Variants in NEGR1 observed in about 807,000 individuals in gnomAD.
NEGR1 encodes the protein neuronal growth regulator 1.
Under a neutral mutation model 40.9 loss-of-function variants are expected in NEGR1, and 10 were observed. That is an observed-to-expected ratio of 0.24 (90% CI 0.15 to 0.42). NEGR1 has a LOEUF of 0.42. Among genes scored for constraint, NEGR1 ranks in the 10% least tolerant of loss-of-function variants. The pLI, the probability that NEGR1 is intolerant of heterozygous loss-of-function variation, is 1.00. For synonymous variants in NEGR1, 185 were observed against 166.8 expected, an observed-to-expected ratio of 1.11 and a Z score of -0.84; for missense variants, 352 against 438.9, an observed-to-expected ratio of 0.80 and a Z score of 1.77.
chr1:71,450,109 G>T (rs749438555), intron 6 of NEGR1, among the ~76,000 whole-genome samples: 26 of 151,636 alleles, frequency 1.7e-4, no homozygotes, highest in Non-Finnish European at 2.6e-4. Flanking sequence ...TCCTGCCTCA[G>T]CCACCTGAGT....
At chr1:72,157,129 T>C (rs1163945368) in intron 1 of NEGR1, among the ~76,000 whole-genome samples, 1 of 151,980 alleles carries the variant, frequency 6.6e-6, no homozygotes, top group Non-Finnish European at 1.5e-5. Context: ...TGTCTGGCTA[T>C]GTTTTTGTTT....
At chr1:71,980,658 C>G (rs1646346780) in intron 1 of NEGR1, among the ~76,000 whole-genome samples, 1 of 152,154 alleles carries the variant, frequency 6.6e-6, no homozygotes, top group African/African-American at 2.4e-5. Flanking sequence ...AGTCTAAGCC[C>G]CTTAGCCCAT....
In NEGR1 at chr1:71,575,589, C is replaced by A. The variant is rs181102756; in HGVS notation, c.940+17228G>T. On this transcript the variant is annotated intron_variant, in intron 6 of 6. Transcript: ENST00000357731. Reference sequence around the variant, plus strand: ...ACGAGGTCAGGAGATTGAGACCACCCTGGCTAACATGGTGAAACCCCGTCT... The same window carrying A: ...ACGAGGTCAGGAGATTGAGACCACCATGGCTAACATGGTGAAACCCCGTCT... Among the ~76,000 whole-genome samples the A allele has an allele frequency of 2.0e-3, 307 of 152,274 alleles. 2 individuals carry two copies. The highest frequency in any genetic ancestry group is 0.017 in the Admixed American group (266 of 15,304).
At chr1:71,887,619 T>G (rs1458098343) in intron 2 of NEGR1, among the ~76,000 whole-genome samples, 4 of 152,196 alleles carry the variant, frequency 2.6e-5, no homozygotes, top group Non-Finnish European at 5.9e-5. Flanking sequence ...ATCCATCATC[T>G]CAAACATTCA....
At chr1:71,976,136 T>C (rs1033157639) in intron 1 of NEGR1, among the ~76,000 whole-genome samples, 1 of 152,242 alleles carries the variant, frequency 6.6e-6, no homozygotes, top group Non-Finnish European at 1.5e-5. Context: ...ATAAGACTCA[T>C]GCATAATCAC....
At chr1:71,703,096 C>G (rs1469899427) in intron 3 of NEGR1, 2 of 150,924 alleles carry the variant, frequency 1.3e-5, no homozygotes, top group Admixed American at 1.3e-4. Context: ...AACAAACAAA[C>G]AACTGGGCAT....
Position 71,698,029 on chromosome 1 carries a change from TC to T in NEGR1, c.645del (p.Val217Ter). On this transcript the variant is annotated frameshift_variant, in exon 4 of 7. Coordinates refer to ENST00000357731, the MANE Select transcript of NEGR1 (RefSeq NM_173808.3). LOFTEE classifies it high-confidence loss of function. The part of the protein sequence containing the change: ...AENDVSFPDV[R>X]KVKVVVNFAP... Reference sequence around the variant, plus strand: ...TTACAGTTGACAACAACTTTTACTTTCCTCACATCTGGGAATGACACATCAT... The same window carrying T: ...TTACAGTTGACAACAACTTTTACTTTCTCACATCTGGGAATGACACATCAT... 6.2e-7 allele frequency: 1 copy of T among 1,611,490 alleles called. No homozygotes were observed. Among genetic ancestry groups the T allele is most frequent in the Non-Finnish European group, 8.5e-7 (1 of 1,178,218 alleles).
intron 3 of NEGR1, 24 bp downstream of exon 3, chr1:71,776,148 A>G (rs775697599): frequency 1.9e-6 from 3 of 1,589,714 alleles, no homozygotes; most frequent in East Asian, 4.6e-5. Flanking sequence ...CAGCACAAAC[A>G]ACACTAATGC....
At chr1:71,599,731 T>C (rs948639959) in intron 5 of NEGR1, among the ~76,000 whole-genome samples, 1 of 152,216 alleles carries the variant, frequency 6.6e-6, no homozygotes, top group Non-Finnish European at 1.5e-5. Flanking sequence ...TTAAAATGCA[T>C]GTCTTATTTA....
chr1:71,688,309 C>CATAT (rs373700339), intron 4 of NEGR1, among the ~76,000 whole-genome samples: 12,794 of 41,236 alleles, frequency 0.31, 2,813 homozygotes, highest in Non-Finnish European at 0.43. Context: ...TTTCCCTTTT[C>CATAT]ATATATATAT....
intron 6 of NEGR1, among the ~76,000 whole-genome samples, chr1:71,435,918 C>G (rs1014074607): frequency 6.6e-6 from 1 of 152,210 alleles, no homozygotes; most frequent in African/African-American, 2.4e-5. Context: ...GCTTCCTCCT[C>G]AATACATTTC....
chr1:71,947,964 T>C (rs1646036441), intron 1 of NEGR1, among the ~76,000 whole-genome samples: 1 of 152,174 alleles, frequency 6.6e-6, no homozygotes, highest in Non-Finnish European at 1.5e-5. Flanking sequence ...CTTCCCTTTC[T>C]ATCTTCCTAG....
At chr1:72,179,902 A>T (rs1047047418) in intron 1 of NEGR1, among the ~76,000 whole-genome samples, 3 of 152,094 alleles carry the variant, frequency 2.0e-5, no homozygotes, top group Non-Finnish European at 4.4e-5. Context: ...TATAAATGGA[A>T]AGATATCCCT....
chr1:71,873,118 C>CAAAAAAAAAAA (rs34592789), intron 2 of NEGR1, among the ~76,000 whole-genome samples: 54 of 81,734 alleles, frequency 6.6e-4, no homozygotes, highest in Middle Eastern at 9.3e-3. Context: ...AAAGATGTAG[C>CAAAAAAAAAAA]AAAAAAAAAA....
chr1:72,102,899 G>A (rs1326356363), intron 1 of NEGR1, among the ~76,000 whole-genome samples: 2 of 151,956 alleles, frequency 1.3e-5, no homozygotes, highest in Admixed American at 6.6e-5. Context: ...CACATGAAAC[G>A]ATTTTTAAAA....
intron 4 of NEGR1, among the ~76,000 whole-genome samples, chr1:71,629,845 T>G (rs1269715043): frequency 6.6e-6 from 1 of 151,918 alleles, no homozygotes; most frequent in Non-Finnish European, 1.5e-5. Flanking sequence ...AAGTTAGAAT[T>G]TAATGTGGAT....
At chr1:71,660,546 A>C (rs1652020840) in intron 4 of NEGR1, among the ~76,000 whole-genome samples, 1 of 152,202 alleles carries the variant, frequency 6.6e-6, no homozygotes, top group African/African-American at 2.4e-5. Flanking sequence ...AACTGCTCAT[A>C]GAAAGTATGT....
At chr1:72,084,300 G>T (rs1013837936) in intron 1 of NEGR1, among the ~76,000 whole-genome samples, 11 of 152,042 alleles carry the variant, frequency 7.2e-5, no homozygotes, top group African/African-American at 2.7e-4. Flanking sequence ...CATACCCTAG[G>T]CACAGATGCA....
chr1:72,091,698 A>T (rs946062065), intron 1 of NEGR1, among the ~76,000 whole-genome samples: 1 of 152,150 alleles, frequency 6.6e-6, no homozygotes, highest in East Asian at 1.9e-4. Context: ...TATCTTATTC[A>T]TAAAGAATAA....
Sources: gnomAD v4.1 joint callset for allele counts (sites outside exome capture counted in the v4.1 genomes callset) on GRCh38, gnomAD v4.1.1 for gene constraint, MANE v1.5 for transcripts, NCBI Gene and HGNC (gene_info 2026-07-23, HGNC 2026-07-21) for gene names.